Variants in ODAD2 observed in about 807,000 individuals in gnomAD.
The protein encoded by ODAD2 is outer dynein arm-docking complex subunit 2.
ODAD2 carries 89 observed loss-of-function variants against 106.8 expected under a neutral mutation model. The observed-to-expected ratio is 0.83, with a 90% confidence interval of 0.70 to 0.99. The LOEUF (loss-of-function observed/expected upper bound fraction) is 0.99, where lower values mean the gene tolerates loss of function less well. Among genes scored for constraint, ODAD2 ranks in the 50% least tolerant of loss-of-function variants. The pLI, the probability that ODAD2 is intolerant of heterozygous loss-of-function variation, is 0.00. For missense variants in ODAD2, 1,168 were observed against 1,238.5 expected, an observed-to-expected ratio of 0.94 and a Z score of 0.85; for synonymous variants, 404 against 436.2, an observed-to-expected ratio of 0.93 and a Z score of 0.92.
In ODAD2 at chr10:27,978,820, T is replaced by G. The variant is rs1328558370; in HGVS notation, c.936+2646A>C. Among the ~76,000 whole-genome samples, 14 of 151,720 alleles carry G rather than the reference T, an allele frequency of 9.2e-5. No homozygotes were observed. The East Asian group carries it at 2.7e-3, about 30-fold the overall frequency. ...AAAAGAAAAGAAAAGGAAAACTGAA[T>G]AGAAGGCAACTTCCTCAACATGCTA... On this transcript the variant is annotated intron_variant, in intron 7 of 19. Transcript: ENST00000305242.
At chr10:27,966,295 C>T (rs2132917073) in intron 9 of ODAD2, among the ~76,000 whole-genome samples, 1 of 152,284 alleles carries the variant, frequency 6.6e-6, no homozygotes, top group East Asian at 1.9e-4. Flanking sequence ...GTGACTTAAA[C>T]TTAACTCAAA....
rs1481302085 is a variant in ODAD2, at chr10:27,859,335, T to C, written c.3021+1290A>G. ...TTTACATGCCATAAAAACAGATTTA[T>C]AATGGAAAGGTTGACACATTCAAAC... is the stretch of plus-strand genomic sequence containing the variant. On this transcript the variant is annotated intron_variant, in intron 19 of 19. Coordinates refer to ENST00000305242, the MANE Select transcript of ODAD2 (RefSeq NM_018076.5). Among the ~76,000 whole-genome samples, 10 of 152,326 alleles carry C rather than the reference T, an allele frequency of 6.6e-5. No individual in the cohort carries two copies. In the East Asian group the frequency reaches 1.9e-3, roughly 29 times the overall value.
chr10:27,917,014 G>C (rs1017903976), intron 16 of ODAD2, among the ~76,000 whole-genome samples: 4 of 152,040 alleles, frequency 2.6e-5, no homozygotes, highest in African/African-American at 9.7e-5. Context: ...AGAAAAGACT[G>C]AAAAAACACA....
At chr10:27,864,141 T>TG (rs1840266509) in intron 17 of ODAD2, among the ~76,000 whole-genome samples, 1 of 151,618 alleles carries the variant, frequency 6.6e-6, no homozygotes. Flanking sequence ...GGTGATGGTT[T>TG]GGGGGAGGGT....
Position 27,907,780 on chromosome 10 carries a change from A to T in ODAD2, c.2496-3T>A. 1 of 1,600,056 alleles carries T rather than the reference A, an allele frequency of 6.2e-7. No homozygotes were observed. Among genetic ancestry groups the T allele is most frequent in the Non-Finnish European group, 8.6e-7 (1 of 1,167,638 alleles). On this transcript the variant is annotated splice_polypyrimidine_tract_variant and splice_region_variant and intron_variant, in intron 16 of 19. Transcript: ENST00000305242. Reference sequence around the variant, plus strand: ...CTCCATCTAAGCGATCAATTATCCTATCGTGGAACCCAAAATCATGATATA... The same window carrying T: ...CTCCATCTAAGCGATCAATTATCCTTTCGTGGAACCCAAAATCATGATATA...
chr10:27,999,122 C>T (rs1425074055), upstream of ODAD2: 1 of 152,630 alleles, frequency 6.6e-6, no homozygotes, highest in African/African-American at 2.4e-5. Context: ...CCGCTCGGCC[C>T]CTCCCGGGAA....
chr10:27,963,595 C>A (rs1247773480), intron 9 of ODAD2, among the ~76,000 whole-genome samples: 1 of 152,034 alleles, frequency 6.6e-6, no homozygotes, highest in African/African-American at 2.4e-5. Context: ...ACTATTTTTC[C>A]CCCCACTGGA....
chr10:27,934,936 G>C (rs1244322992), intron 16 of ODAD2, 74 bp downstream of exon 16: 1 of 1,517,348 alleles, frequency 6.6e-7, no homozygotes, highest in African/African-American at 1.4e-5. Context: ...TCTAAGTGAT[G>C]ACACTATTCT....
chr10:27,882,372 A>T (rs1841807147), intron 17 of ODAD2, among the ~76,000 whole-genome samples: 1 of 152,108 alleles, frequency 6.6e-6, no homozygotes, highest in South Asian at 2.1e-4. Context: ...GATAATTTCT[A>T]AAATGTGTTG....
intron 17 of ODAD2, among the ~76,000 whole-genome samples, chr10:27,894,596 A>C (rs1272730857): frequency 6.6e-6 from 1 of 152,078 alleles, no homozygotes; most frequent in East Asian, 1.9e-4. Flanking sequence ...ATTTTTTTTG[A>C]GACAGGGTCT....
intron 17 of ODAD2, among the ~76,000 whole-genome samples, chr10:27,903,433 T>C (rs929887554): frequency 6.1e-4 from 93 of 152,184 alleles, no homozygotes; most frequent in African/African-American, 2.1e-3. Flanking sequence ...CAATATAGTA[T>C]TGGAAGTTCT....
chr10:27,915,280 G>C (rs1401188094), intron 16 of ODAD2, among the ~76,000 whole-genome samples: 1 of 152,096 alleles, frequency 6.6e-6, no homozygotes, highest in Admixed American at 6.6e-5. Flanking sequence ...TGGGTGGCTT[G>C]TAAACAACAC....
intron 3 of ODAD2, among the ~76,000 whole-genome samples, chr10:27,985,494 T>C (rs564312226): frequency 6.6e-6 from 1 of 152,210 alleles, no homozygotes. Context: ...TCTTTTTTAA[T>C]TGGCCGTGGG....
intron 19 of ODAD2, among the ~76,000 whole-genome samples, chr10:27,849,409 G>T (rs1344209431): frequency 6.6e-6 from 1 of 151,618 alleles, no homozygotes; most frequent in Non-Finnish European, 1.5e-5. Context: ...TCGTGGGGTG[G>T]GAGGAGGGGG....
In ODAD2 at chr10:27,944,331, T is replaced by C; in HGVS notation, c.1634A>G (p.Asp545Gly). Residue 545 changes from aspartate (D) to glycine (G), a missense_variant, in exon 12 of 20, where the codon GAT becomes GGT. Asp to Gly is a moderately conservative substitution (Grantham distance 94). This residue lies in a region of ODAD2 where 701 missense variants were observed against 712.3 expected (regional missense o/e 0.98). Coordinates refer to ENST00000305242, the MANE Select transcript of ODAD2 (RefSeq NM_018076.5). ...ACATTTTAGACTCTTGTGTGGAGAA[T>C]CAAGTATATTCACCATAATTGGTAA... ...GGLPIMVNIL[D>G]SPHKSLKCLA... The C allele has an allele frequency of 6.2e-7, 1 of 1,614,064 alleles. No homozygotes were observed. Among genetic ancestry groups the C allele is most frequent in the South Asian group, 1.1e-5 (1 of 91,074 alleles).
At chr10:27,931,874 C>G (rs1845639832) in intron 16 of ODAD2, among the ~76,000 whole-genome samples, 2 of 151,484 alleles carry the variant, frequency 1.3e-5, no homozygotes, top group East Asian at 3.9e-4. Flanking sequence ...TGCAGACACT[C>G]TTCAACTCAC....
At chr10:27,990,886 T>G (rs1272193703) in intron 2 of ODAD2, among the ~76,000 whole-genome samples, 1 of 152,006 alleles carries the variant, frequency 6.6e-6, no homozygotes, top group Non-Finnish European at 1.5e-5. Flanking sequence ...TGCAGTGGAG[T>G]GAGATTTAAA....
intron 17 of ODAD2, among the ~76,000 whole-genome samples, chr10:27,864,439 T>A (rs1221625843): frequency 6.7e-6 from 1 of 148,360 alleles, no homozygotes; most frequent in Non-Finnish European, 1.5e-5. Flanking sequence ...AGTGGAGATT[T>A]GGAATTCATC....
upstream of ODAD2, chr10:27,999,093 C>G (rs533596065): frequency 1.3e-5 from 2 of 152,584 alleles, no homozygotes; most frequent in East Asian, 3.9e-4. Flanking sequence ...TTCCACCCGC[C>G]CCGGCCACCT....
Sources: gnomAD v4.1 joint callset for allele counts (sites outside exome capture counted in the v4.1 genomes callset) on GRCh38, gnomAD v4.1.1 for gene constraint, gnomAD v4.1.1 regional missense constraint, MANE v1.5 for transcripts, NCBI Gene and HGNC (gene_info 2026-07-23, HGNC 2026-07-21) for gene names.